CTNNA3: variants seen among roughly 807,000 people sequenced by gnomAD.
CTNNA3 encodes the protein catenin alpha 3, also known as catenin alpha-3.
A neutral mutation model predicts 95.7 loss-of-function variants in CTNNA3; 76 were observed. The ratio of observed to expected loss-of-function variants is 0.79; its 90% CI spans 0.66 to 0.96. CTNNA3 has a LOEUF of 0.96. CTNNA3 is among the 40% of genes least tolerant of loss of function. CTNNA3 has a pLI of 0.00. For missense variants in CTNNA3, 1,191 were observed against 1,089.8 expected, an observed-to-expected ratio of 1.09 and a Z score of -1.31; for synonymous variants, 431 against 374.4, an observed-to-expected ratio of 1.15 and a Z score of -1.74.
chr10:66,778,633 A>C (rs1840407494), intron 7 of CTNNA3, among the ~76,000 whole-genome samples: 1 of 152,090 alleles, frequency 6.6e-6, no homozygotes, highest in Admixed American at 6.6e-5. Context: ...TAGGGAAAGC[A>C]GTCACATTCT....
chr10:67,170,465 TGGGAAC>T (rs1861970260), intron 7 of CTNNA3, among the ~76,000 whole-genome samples: 1 of 152,164 alleles, frequency 6.6e-6, no homozygotes, highest in Non-Finnish European at 1.5e-5. Flanking sequence ...GTGTCTTTTG[TGGGAAC>T]GTGGATGGAG....
chr10:66,426,049 C>T (rs2093237900), intron 11 of CTNNA3, among the ~76,000 whole-genome samples: 1 of 152,094 alleles, frequency 6.6e-6, no homozygotes, highest in African/African-American at 2.4e-5. Flanking sequence ...TAATTTGTAT[C>T]ATATGACTGT....
intron 11 of CTNNA3, among the ~76,000 whole-genome samples, chr10:66,514,111 T>G (rs1312209263): frequency 6.6e-6 from 1 of 152,204 alleles, no homozygotes; most frequent in Non-Finnish European, 1.5e-5. Context: ...TTGTGATGAT[T>G]AATGCTGAAA....
At chr10:66,795,053 CTCAT>C (rs1319420220) in intron 7 of CTNNA3, among the ~76,000 whole-genome samples, 1 of 152,154 alleles carries the variant, frequency 6.6e-6, no homozygotes, top group Non-Finnish European at 1.5e-5. Context: ...AGCCCTTGAA[CTCAT>C]CCATGAGGTT....
intron 5 of CTNNA3, among the ~76,000 whole-genome samples, chr10:67,512,342 TA>T (rs556308944): frequency 1.4e-3 from 213 of 152,166 alleles, no homozygotes; most frequent in African/African-American, 4.8e-3. Context: ...AAATAGATTT[TA>T]AAAAAATAGA....
chr10:66,678,487 G>T (rs1846945523), intron 9 of CTNNA3, among the ~76,000 whole-genome samples: 1 of 152,038 alleles, frequency 6.6e-6, no homozygotes, highest in African/African-American at 2.4e-5. Flanking sequence ...TATGGCCCCT[G>T]CCCTTAAGTT....
chr10:66,922,794 T>C (rs994409041), intron 7 of CTNNA3, among the ~76,000 whole-genome samples: 4 of 150,272 alleles, frequency 2.7e-5, no homozygotes, highest in Non-Finnish European at 4.5e-5. Context: ...TGTCATATAG[T>C]TTTGTTTTAT....
chr10:67,287,681 C>T (rs112706692), intron 5 of CTNNA3, among the ~76,000 whole-genome samples: 2,298 of 152,314 alleles, frequency 0.015, 37 homozygotes, highest in Non-Finnish European at 0.025. Context: ...AAACGCTCAT[C>T]AGACATGTTT....
chr10:67,378,475 G>T (rs1233302030), intron 5 of CTNNA3, among the ~76,000 whole-genome samples: 2 of 150,282 alleles, frequency 1.3e-5, no homozygotes, highest in Non-Finnish European at 2.9e-5. Context: ...TTTAATGGAT[G>T]TCCTTATTCT....
chr10:65,958,597 G>A (rs1241496051), intron 17 of CTNNA3, among the ~76,000 whole-genome samples: 1 of 152,156 alleles, frequency 6.6e-6, no homozygotes, highest in African/African-American at 2.4e-5. Flanking sequence ...CTGTTTGTTA[G>A]TTTTCCTTCT....
chr10:67,586,684 G>C (rs1842637272), intron 3 of CTNNA3, among the ~76,000 whole-genome samples: 1 of 152,052 alleles, frequency 6.6e-6, no homozygotes, highest in African/African-American at 2.4e-5. Flanking sequence ...GTCTATATGT[G>C]TCTTTTCAGG....
intron 12 of CTNNA3, among the ~76,000 whole-genome samples, chr10:66,337,386 T>C (rs937603553): frequency 2.0e-5 from 3 of 152,110 alleles, no homozygotes; most frequent in Non-Finnish European, 4.4e-5. Flanking sequence ...TACTATTTAC[T>C]GCATTTGTCC....
chr10:66,925,215 T>C (rs1847001832), intron 7 of CTNNA3, among the ~76,000 whole-genome samples: 1 of 152,128 alleles, frequency 6.6e-6, no homozygotes, highest in Non-Finnish European at 1.5e-5. Flanking sequence ...GAAAGTTACC[T>C]CCCCAAGTCT....
chr10:67,065,284 A>G (rs1366666324), intron 7 of CTNNA3, among the ~76,000 whole-genome samples: 1 of 152,156 alleles, frequency 6.6e-6, no homozygotes, highest in African/African-American at 2.4e-5. Flanking sequence ...TCTCTGTTTC[A>G]TCATTTAAAA....
intron 5 of CTNNA3, among the ~76,000 whole-genome samples, chr10:67,278,376 T>C (rs182774630): frequency 2.4e-4 from 36 of 152,270 alleles, no homozygotes; most frequent in African/African-American, 7.9e-4. Flanking sequence ...TGGGGAGGCA[T>C]GAGGCATCAA....
chr10:67,401,901 C>T (rs189772426), intron 5 of CTNNA3, among the ~76,000 whole-genome samples: 2 of 152,148 alleles, frequency 1.3e-5, no homozygotes, highest in Non-Finnish European at 2.9e-5. Context: ...CCATACAGAG[C>T]CTTAGTTCTC....
chr10:66,636,491 A>C (rs1845342143), intron 9 of CTNNA3, among the ~76,000 whole-genome samples: 1 of 152,070 alleles, frequency 6.6e-6, no homozygotes, highest in Non-Finnish European at 1.5e-5. Flanking sequence ...GATCTTGTAT[A>C]CTAACCTTCC....
At chr10:67,279,453 A>G (rs576266037) in intron 5 of CTNNA3, among the ~76,000 whole-genome samples, 12 of 152,152 alleles carry the variant, frequency 7.9e-5, no homozygotes, top group Non-Finnish European at 1.8e-4. Flanking sequence ...GAGGGCTTCA[A>G]TATGTAAAGG....
At chr10:66,052,788 A>G (rs2079988546) in intron 15 of CTNNA3, among the ~76,000 whole-genome samples, 1 of 152,146 alleles carries the variant, frequency 6.6e-6, no homozygotes, top group Admixed American at 6.5e-5. Flanking sequence ...AGTAGTTAAA[A>G]TATGGGCAAA....
Sources: gnomAD v4.1 joint callset for allele counts (sites outside exome capture counted in the v4.1 genomes callset) on GRCh38, gnomAD v4.1.1 for gene constraint, MANE v1.5 for transcripts, NCBI Gene and HGNC (gene_info 2026-07-23, HGNC 2026-07-21) for gene names.